TTC27: variants seen among roughly 807,000 people sequenced by gnomAD.
TTC27 encodes the protein tetratricopeptide repeat protein 27.
Under a neutral mutation model 115.9 loss-of-function variants are expected in TTC27, and 79 were observed. The observed-to-expected ratio is 0.68, with a 90% CI of 0.57 to 0.82. The LOEUF is 0.82. Ranked by LOEUF, TTC27 falls within the 40% of genes least tolerant of loss-of-function variation. The pLI is 0.00. For missense variants in TTC27, 1,054 were observed against 993.1 expected, an observed-to-expected ratio of 1.06 and a Z score of -0.82; for synonymous variants, 401 against 356.0, an observed-to-expected ratio of 1.13 and a Z score of -1.42.
At chr2:32,675,706 G>A (rs375375755) in intron 8 of TTC27, among the ~76,000 whole-genome samples, 23 of 152,102 alleles carry the variant, frequency 1.5e-4, no homozygotes, top group Admixed American at 7.9e-4. Flanking sequence ...CCCTGTGGTC[G>A]CTAACCCCCA....
intron 4 of TTC27, among the ~76,000 whole-genome samples, chr2:32,642,759 C>T (rs1482237135): frequency 1.3e-5 from 2 of 151,960 alleles, no homozygotes; most frequent in Non-Finnish European, 2.9e-5. Context: ...CCTCCACCTC[C>T]TGGGCTGAAG....
chr2:32,654,741 G>A (rs1328214788), intron 5 of TTC27, among the ~76,000 whole-genome samples: 2 of 151,494 alleles, frequency 1.3e-5, no homozygotes, highest in Non-Finnish European at 2.9e-5. Flanking sequence ...TGTTGCCCAG[G>A]CTGGAGTGTA....
At chr2:32,817,799 T>C (rs1337583426) in intron 19 of TTC27, among the ~76,000 whole-genome samples, 1 of 152,212 alleles carries the variant, frequency 6.6e-6, no homozygotes, top group East Asian at 1.9e-4. Flanking sequence ...CTCATGCCTG[T>C]AATCCCAGCA....
At chr2:32,776,444 A>G (rs1352717244) in intron 13 of TTC27, among the ~76,000 whole-genome samples, 1 of 152,226 alleles carries the variant, frequency 6.6e-6, no homozygotes, top group Non-Finnish European at 1.5e-5. Flanking sequence ...AAACTGTCCA[A>G]GTAAATCTGA....
chr2:32,755,601 A>G (rs1379515850), intron 12 of TTC27, among the ~76,000 whole-genome samples: 1 of 144,232 alleles, frequency 6.9e-6, no homozygotes, highest in African/African-American at 2.6e-5. Flanking sequence ...GACGGTGGAA[A>G]GAGAGGGAGA....
At chr2:32,714,890 T>G (rs563990331) in intron 10 of TTC27, among the ~76,000 whole-genome samples, 25 of 152,360 alleles carry the variant, frequency 1.6e-4, no homozygotes, top group African/African-American at 5.8e-4. Context: ...TGTCTTCTTT[T>G]GAAAAGTGAC....
chr2:32,744,080 C>T (rs920071440), intron 12 of TTC27, among the ~76,000 whole-genome samples: 1 of 152,152 alleles, frequency 6.6e-6, no homozygotes, highest in Non-Finnish European at 1.5e-5. Context: ...CAGTTATAGT[C>T]CGATATGATA....
intron 14 of TTC27, among the ~76,000 whole-genome samples, chr2:32,778,555 G>T (rs752437187): frequency 3.0e-4 from 46 of 152,090 alleles, no homozygotes; most frequent in Non-Finnish European, 5.3e-4. Flanking sequence ...TGTCTCTATA[G>T]ATTCACCTAT....
intron 13 of TTC27, among the ~76,000 whole-genome samples, chr2:32,760,714 C>T (rs1669406363): frequency 6.6e-6 from 1 of 152,128 alleles, no homozygotes; most frequent in Non-Finnish European, 1.5e-5. Flanking sequence ...CTAAAGTTTA[C>T]CCTAGCTGCA....
In TTC27 at chr2:32,658,048, C is replaced by T. The variant is rs1013119283; in HGVS notation, c.641-6255C>T. Among the ~76,000 whole-genome samples the T allele has an allele frequency of 1.8e-4, 28 of 152,102 alleles. 1 individual carries two copies. The highest frequency in any genetic ancestry group is 6.0e-4 in the African/African-American group (25 of 41,402). On this transcript the variant is annotated intron_variant, in intron 5 of 19. Coordinates refer to ENST00000317907, the MANE Select transcript of TTC27 (RefSeq NM_017735.5). ...TTCACCATGTTGGCCAGACTGGTCT[C>T]GATCTCCTGACCTCAGGTGATCCAC...
chr2:32,637,528 TCACC>T (rs1664475218), intron 3 of TTC27, among the ~76,000 whole-genome samples: 1 of 152,074 alleles, frequency 6.6e-6, no homozygotes, highest in Non-Finnish European at 1.5e-5. Context: ...AGACGGGGTT[TCACC>T]TTATTGGCCA....
intron 11 of TTC27, 73 bp from the exon 12 acceptor site, chr2:32,736,621 G>T (rs1033054497): frequency 6.4e-7 from 1 of 1,569,844 alleles, no homozygotes; most frequent in Non-Finnish European, 8.7e-7. Context: ...GGCAGATTAG[G>T]TACACCTGCA....
At chr2:32,677,321 A>G (rs1468279034) in intron 8 of TTC27, among the ~76,000 whole-genome samples, 4 of 151,796 alleles carry the variant, frequency 2.6e-5, no homozygotes, top group African/African-American at 9.7e-5. Flanking sequence ...TATTATACAC[A>G]ATATTGCTAT....
chr2:32,811,266 T>A (rs772852734), intron 17 of TTC27, 45 bp downstream of exon 17: 22 of 1,556,640 alleles, frequency 1.4e-5, no homozygotes, highest in Admixed American at 1.9e-5. Flanking sequence ...CGTTTGAACA[T>A]GTTGTAGTAG....
chr2:32,744,112 T>C (rs899662812), intron 12 of TTC27, among the ~76,000 whole-genome samples: 2 of 152,240 alleles, frequency 1.3e-5, no homozygotes, highest in African/African-American at 4.8e-5. Flanking sequence ...GCAAATATTT[T>C]AGTATGACAG....
intron 14 of TTC27, among the ~76,000 whole-genome samples, chr2:32,781,418 C>T (rs1670173941): frequency 6.6e-6 from 1 of 151,450 alleles, no homozygotes; most frequent in Admixed American, 6.6e-5. Flanking sequence ...TGCTTCTTCC[C>T]ATGTCCGCCA....
intron 18 of TTC27, among the ~76,000 whole-genome samples, chr2:32,814,760 C>T (rs546301983): frequency 1.3e-5 from 2 of 152,264 alleles, no homozygotes. Flanking sequence ...GGGTTGTAGC[C>T]TAGGAGTAGT....
intron 13 of TTC27, among the ~76,000 whole-genome samples, chr2:32,769,085 T>C (rs1418132900): frequency 6.6e-6 from 1 of 152,086 alleles, no homozygotes; most frequent in Non-Finnish European, 1.5e-5. Flanking sequence ...CTTGAAACCA[T>C]GAAAGTGAGT....
chr2:32,647,665 T>G (rs1664918803), intron 4 of TTC27, among the ~76,000 whole-genome samples: 1 of 152,068 alleles, frequency 6.6e-6, no homozygotes, highest in Non-Finnish European at 1.5e-5. Flanking sequence ...ATGAAGAAAT[T>G]AAGTTCAAGC....
Sources: gnomAD v4.1 joint callset for allele counts (sites outside exome capture counted in the v4.1 genomes callset) on GRCh38, gnomAD v4.1.1 for gene constraint, MANE v1.5 for transcripts, NCBI Gene and HGNC (gene_info 2026-07-23, HGNC 2026-07-21) for gene names.